ADGRL3: variants seen among roughly 807,000 people sequenced by gnomAD.
ADGRL3 encodes calcium-independent alpha-latrotoxin receptor 3.
A neutral mutation model predicts 153.5 loss-of-function variants in ADGRL3; 62 were observed. That is an observed-to-expected ratio of 0.40 (90% CI 0.33 to 0.50). The LOEUF is 0.50. Ranked by LOEUF, ADGRL3 falls within the 20% of genes least tolerant of loss-of-function variation. The pLI, the probability that ADGRL3 is intolerant of heterozygous loss-of-function variation, is 0.47. For synonymous variants in ADGRL3, 710 were observed against 672.5 expected (o/e 1.06, Z -0.86); for missense variants, 1,641 against 1,859.4 (o/e 0.88, Z 2.16).
At chr4:62,047,511 A>G (rs898159187) in intron 25 of ADGRL3, among the ~76,000 whole-genome samples, 3 of 152,066 alleles carry the variant, frequency 2.0e-5, no homozygotes, top group Admixed American at 2.0e-4. Context: ...AGCTTGTTGT[A>G]TCATAAGTAT....
At chr4:62,063,629 A>G in intron 25 of ADGRL3, 1 of 694,688 alleles carries the variant, frequency 1.4e-6, no homozygotes, top group South Asian at 1.5e-5. Context: ...TGTACAACGC[A>G]CAAGGTGTGC....
At chr4:62,011,510 T>C (rs898268641) in intron 21 of ADGRL3, among the ~76,000 whole-genome samples, 3 of 152,142 alleles carry the variant, frequency 2.0e-5, no homozygotes, top group African/African-American at 7.2e-5. Flanking sequence ...AAGTGTCTTA[T>C]GATCTACTTC....
chr4:61,279,672 T>G (rs1158400143), intron 1 of ADGRL3, among the ~76,000 whole-genome samples: 1 of 152,218 alleles, frequency 6.6e-6, no homozygotes, highest in Non-Finnish European at 1.5e-5. Flanking sequence ...CTTTTCCATT[T>G]GAGGACTTTA....
At chr4:61,338,002 C>G (rs2095716400) in intron 1 of ADGRL3, among the ~76,000 whole-genome samples, 2 of 152,118 alleles carry the variant, frequency 1.3e-5, no homozygotes, top group Non-Finnish European at 2.9e-5. Context: ...GTGGCTCACA[C>G]CTGTAATCCC....
chr4:61,233,943 G>A (rs933931821), intron 1 of ADGRL3, among the ~76,000 whole-genome samples: 1 of 152,124 alleles, frequency 6.6e-6, no homozygotes, highest in Non-Finnish European at 1.5e-5. Flanking sequence ...TTACTTGGGG[G>A]ATAGAGAGGA....
chr4:61,445,724 C>T (rs2606714), intron 2 of ADGRL3, among the ~76,000 whole-genome samples: 1 of 152,220 alleles, frequency 6.6e-6, no homozygotes, highest in South Asian at 2.1e-4. Context: ...AGTTGAGTCA[C>T]ATTTCTTAGC....
chr4:61,964,793 TTATTC>T (rs2099000080), intron 17 of ADGRL3, among the ~76,000 whole-genome samples: 3 of 151,990 alleles, frequency 2.0e-5, no homozygotes, highest in African/African-American at 7.2e-5. Flanking sequence ...ATCATCCAAT[TTATTC>T]ATGCTTAAGA....
intron 4 of ADGRL3, among the ~76,000 whole-genome samples, chr4:61,535,066 C>G (rs1252632827): frequency 6.6e-6 from 1 of 151,500 alleles, no homozygotes; most frequent in Non-Finnish European, 1.5e-5. Context: ...TAATGTTGGC[C>G]ATTAGTTTGT....
chr4:61,467,705 C>T (rs994603569), intron 2 of ADGRL3, among the ~76,000 whole-genome samples: 2 of 151,956 alleles, frequency 1.3e-5, no homozygotes, highest in Admixed American at 1.3e-4. Context: ...ACCTTATTAT[C>T]CTGTTTGTAA....
At chr4:61,671,678 G>A (rs891318342) in intron 5 of ADGRL3, among the ~76,000 whole-genome samples, 4 of 152,168 alleles carry the variant, frequency 2.6e-5, no homozygotes, top group African/African-American at 4.8e-5. Context: ...CATCATGACT[G>A]AATGAATTCT....
intron 10 of ADGRL3, among the ~76,000 whole-genome samples, chr4:61,894,833 T>G (rs886955778): frequency 6.6e-6 from 1 of 152,186 alleles, no homozygotes; most frequent in Non-Finnish European, 1.5e-5. Context: ...GCCAGAGATA[T>G]CATTCCAAAA....
At chr4:61,328,818 C>T (rs1177094046) in intron 1 of ADGRL3, among the ~76,000 whole-genome samples, 1 of 152,026 alleles carries the variant, frequency 6.6e-6, no homozygotes, top group Non-Finnish European at 1.5e-5. Flanking sequence ...TTATTGAATT[C>T]TCCTACTCCT....
chr4:61,904,075 T>A (rs1184612135), intron 11 of ADGRL3, among the ~76,000 whole-genome samples: 1 of 151,634 alleles, frequency 6.6e-6, no homozygotes, highest in African/African-American at 2.4e-5. Context: ...AGCCTACAAA[T>A]ATTTTTATAA....
chr4:61,819,132 T>C (rs192360996), intron 9 of ADGRL3, among the ~76,000 whole-genome samples: 11 of 152,292 alleles, frequency 7.2e-5, no homozygotes, highest in Admixed American at 5.9e-4. Flanking sequence ...GCATTCAAAT[T>C]ATACATGCAA....
chr4:61,246,146 C>T (rs1560381365), intron 1 of ADGRL3, among the ~76,000 whole-genome samples: 1 of 152,026 alleles, frequency 6.6e-6, no homozygotes, highest in South Asian at 2.1e-4. Context: ...CAGCCACTTG[C>T]CAGCTGTTGA....
At position 61,392,684 on chromosome 4, in the gene ADGRL3, C is replaced by CAAAAAAAAAAAAAAAAAAAAA. The variant is rs397993633; in HGVS notation, c.-174+9497_-174+9517dup. Among the ~76,000 whole-genome samples the CAAAAAAAAAAAAAAAAAAAAA allele has an allele frequency of 7.5e-4, 10 of 13,378 alleles. 1 individual carries two copies. Among genetic ancestry groups the CAAAAAAAAAAAAAAAAAAAAA allele is most frequent in the Non-Finnish European group, 8.7e-4 (5 of 5,762 alleles). 8.8% of individuals were successfully genotyped at this position (13,378 alleles called of 152,430 possible). ...CTGGTGACAGAGCGAGACTCCATCTCAAAAAAAAAAAAAAAAAAAAAAGAA... is the reference window on the plus strand; with the variant it reads ...CTGGTGACAGAGCGAGACTCCATCTCAAAAAAAAAAAAAAAAAAAAAAAAAAAAAAAAAAAAAAAAAAAGAA... On this transcript the variant is annotated intron_variant, in intron 2 of 26. Coordinates refer to ENST00000683033, the MANE Select transcript of ADGRL3 (RefSeq NM_001387552.1).
intron 9 of ADGRL3, among the ~76,000 whole-genome samples, chr4:61,849,164 G>T (rs1018710128): frequency 6.6e-6 from 1 of 152,010 alleles, no homozygotes; most frequent in Non-Finnish European, 1.5e-5. Flanking sequence ...TCTCCACTTT[G>T]TCTAAGTTCT....
intron 9 of ADGRL3, among the ~76,000 whole-genome samples, chr4:61,865,752 A>G (rs2098394205): frequency 6.6e-6 from 1 of 152,116 alleles, no homozygotes; most frequent in African/African-American, 2.4e-5. Context: ...TTGCTAGACT[A>G]CCTCTGACTC....
At chr4:61,204,877 C>T (rs1252539457) in intron 1 of ADGRL3, among the ~76,000 whole-genome samples, 1 of 152,046 alleles carries the variant, frequency 6.6e-6, no homozygotes, top group Non-Finnish European at 1.5e-5. Flanking sequence ...TGTGATTATC[C>T]TTCAGACTGA....
Sources: allele counts gnomAD v4.1 joint callset (sites outside exome capture counted in the v4.1 genomes callset), GRCh38; gene constraint gnomAD v4.1.1; transcripts MANE v1.5; gene names NCBI Gene and HGNC (gene_info 2026-07-23, HGNC 2026-07-21).